NLRP11: variants seen among roughly 807,000 people sequenced by gnomAD.
The protein encoded by NLRP11 is NACHT, LRR and PYD domains-containing protein 11.
Under a neutral mutation model 79.3 loss-of-function variants are expected in NLRP11, and 53 were observed. That is an observed-to-expected ratio of 0.67 (90% CI 0.54 to 0.84). The LOEUF (loss-of-function observed/expected upper bound fraction) is 0.84, where lower values mean the gene tolerates loss of function less well. Ranked by LOEUF, NLRP11 falls within the 40% of genes least tolerant of loss-of-function variation. The pLI is 0.00. For synonymous variants in NLRP11, 518 were observed against 462.6 expected (o/e 1.12, Z -1.54); for missense variants, 1,264 against 1,255.0 (o/e 1.01, Z -0.11).
At chr19:55,831,122 C>T (rs1239654887) in intron 1 of NLRP11, among the ~76,000 whole-genome samples, 1 of 128,986 alleles carries the variant, frequency 7.8e-6, no homozygotes, top group Non-Finnish European at 1.7e-5. Flanking sequence ...CCCCCCACCC[C>T]CCCGCCCACA....
At chr19:55,803,861 C>T (rs1382868742) in intron 4 of NLRP11, among the ~76,000 whole-genome samples, 1 of 152,178 alleles carries the variant, frequency 6.6e-6, no homozygotes, top group Non-Finnish European at 1.5e-5. Flanking sequence ...GTGGGTGGAT[C>T]ACTTGAGGTC....
At chr19:55,797,967 C>G (rs1979091254) in intron 5 of NLRP11, among the ~76,000 whole-genome samples, 1 of 151,760 alleles carries the variant, frequency 6.6e-6, no homozygotes, top group Admixed American at 6.6e-5. Flanking sequence ...CAGGGCCACC[C>G]AGCGTGAAAT....
rs566112822 is a variant in NLRP11 at position 55,792,538 on chromosome 19, C to T, written c.2343-67G>A. 4.9e-5 allele frequency: 65 copies of T among 1,313,556 alleles called. 1 individual carries two copies. The East Asian group carries it at 6.7e-4, about 14-fold the overall frequency. The allele number at this position is 1,313,556 out of a possible 1,614,324, so 81.4% of individuals were successfully genotyped here. A position where few individuals can be genotyped will look rare whatever the true frequency, so the allele number is the denominator to read the frequency against. On this transcript the variant is annotated intron_variant, in intron 6 of 9. Coordinates refer to ENST00000589093, the Ensembl canonical transcript of NLRP11. ...AGAGAGGGGAGCACCTGAGACCACCCACCCCACGCCCACGGGCGCCTCGAT... is the reference window on the plus strand; with the variant it reads ...AGAGAGGGGAGCACCTGAGACCACCTACCCCACGCCCACGGGCGCCTCGAT...
intron 1 of NLRP11, among the ~76,000 whole-genome samples, chr19:55,824,388 G>A (rs1347940928): frequency 2.1e-5 from 3 of 145,702 alleles, no homozygotes; most frequent in Non-Finnish European, 3.0e-5. Flanking sequence ...ACATCATAAT[G>A]ACAGGATCAA....
At chr19:55,824,279 G>A (rs1031708458) in intron 1 of NLRP11, among the ~76,000 whole-genome samples, 11 of 148,910 alleles carry the variant, frequency 7.4e-5, no homozygotes, top group Non-Finnish European at 1.5e-4. Context: ...AACATGGAAA[G>A]GAACAACTGG....
chr19:55,800,757 G>A (rs996476930), intron 5 of NLRP11, among the ~76,000 whole-genome samples: 8 of 152,256 alleles, frequency 5.3e-5, no homozygotes, highest in East Asian at 1.9e-4. Context: ...GTGCCCGAGC[G>A]GCGATGTTCT....
rs991297852 is a variant in NLRP11 at position 55,801,289 on chromosome 19, T to C, written c.2171+283A>G. ...ATTTCCACTAGACAGTGTTTTAGGG[T>C]TTGACCAGTAGTCTACTTCAGAATG... is the stretch of plus-strand genomic sequence containing the variant. On this transcript the variant is annotated intron_variant, in intron 5 of 9. Coordinates refer to ENST00000589093, the Ensembl canonical transcript of NLRP11. The C allele has an allele frequency of 1.3e-4, 43 of 323,718 alleles. 1 individual carries two copies. The highest frequency in any genetic ancestry group is 8.7e-4 in the Middle Eastern group (1 of 1,144). 20.1% of individuals were successfully genotyped at this position (323,718 alleles called of 1,614,324 possible).
chr19:55,798,830 C>G (rs997415775), intron 5 of NLRP11, among the ~76,000 whole-genome samples: 2 of 152,024 alleles, frequency 1.3e-5, no homozygotes, highest in African/African-American at 2.4e-5. Flanking sequence ...TTCCATGTAG[C>G]AAGCAAAGGT....
At chr19:55,787,784 C>G (rs529725474) in intron 9 of NLRP11, among the ~76,000 whole-genome samples, 1 of 152,338 alleles carries the variant, frequency 6.6e-6, no homozygotes, top group Admixed American at 6.5e-5. Context: ...GAGAGCAAGT[C>G]TTTTCAGTGT....
At chr19:55,813,397 T>G (rs553042587) in intron 2 of NLRP11, among the ~76,000 whole-genome samples, 2 of 152,292 alleles carry the variant, frequency 1.3e-5, no homozygotes, top group East Asian at 3.9e-4. Flanking sequence ...GACTTGTAGT[T>G]TCTTTCCCCA....
chr19:55,822,908 A>C (rs1204502350), intron 1 of NLRP11, among the ~76,000 whole-genome samples: 2 of 152,264 alleles, frequency 1.3e-5, no homozygotes, highest in Non-Finnish European at 1.5e-5. Context: ...GGGGGAGCCC[A>C]CCACAGCTCA....
rs764386802 is a variant in NLRP11, at chr19:55,809,663, C to A, written c.947G>T (p.Arg316Leu). ...CTGGAGGGCTGCCGACGCCCTCTGG[C>A]GGTCTTTAAAGAAAGAGTTAAAATA... The change falls in exon 3 of 10, where the codon CGC (arginine) becomes CTC (leucine). Residue 316 changes from arginine to leucine, a missense_variant. Coordinates refer to ENST00000589093, the Ensembl canonical transcript of NLRP11. The surrounding 1 kb of genome is among the most constrained non-coding windows in gnomAD (Gnocchi z 4.5). The A allele has an allele frequency of 6.2e-7, 1 of 1,613,944 alleles. No homozygotes were observed. Among genetic ancestry groups the A allele is most frequent in the Non-Finnish European group, 8.5e-7 (1 of 1,179,934 alleles).
chr19:55,785,993 T>A (rs1197910517), intron 9 of NLRP11, 122 bp from the exon 10 acceptor site: 21 of 1,046,574 alleles, frequency 2.0e-5, no homozygotes, highest in Non-Finnish European at 2.9e-5. Flanking sequence ...TCAAGCCATC[T>A]CTGAGGAAAC....
chr19:55,831,009 G>T (rs536564141), intron 1 of NLRP11, among the ~76,000 whole-genome samples: 4 of 151,734 alleles, frequency 2.6e-5, no homozygotes, highest in Non-Finnish European at 5.9e-5. Context: ...CCAGGAACCA[G>T]TATATTGTTC....
intron 5 of NLRP11, among the ~76,000 whole-genome samples, chr19:55,797,014 G>A (rs1308252024): frequency 2.0e-5 from 3 of 149,614 alleles, no homozygotes; most frequent in Non-Finnish European, 2.9e-5. Flanking sequence ...TACTCATTCT[G>A]TACCATCCTC....
chr19:55,816,591 A>G (rs1379257144), intron 2 of NLRP11, among the ~76,000 whole-genome samples: 1 of 152,166 alleles, frequency 6.6e-6, no homozygotes, highest in Non-Finnish European at 1.5e-5. Context: ...GAGTGTACCC[A>G]AAATGTTAAC....
At chr19:55,812,775 G>C (rs1980730474) in intron 2 of NLRP11, among the ~76,000 whole-genome samples, 1 of 152,112 alleles carries the variant, frequency 6.6e-6, no homozygotes, top group South Asian at 2.1e-4. Context: ...TGTCAAGGAC[G>C]TTTTTATTTT....
At chr19:55,819,278 C>G (rs1406616574) in intron 1 of NLRP11, among the ~76,000 whole-genome samples, 2 of 152,034 alleles carry the variant, frequency 1.3e-5, no homozygotes. Flanking sequence ...TAGCCCCTGG[C>G]CAGGCTCCTG....
rs765085000 is a variant in NLRP11 at position 55,809,063 on chromosome 19, G to A, written c.1547C>T (p.Pro516Leu). 3.7e-6 allele frequency: 6 copies of A among 1,613,384 alleles called. No individual in the cohort carries two copies. The highest frequency in any genetic ancestry group is 1.7e-5 in the Admixed American group (1 of 60,008). ...GTACCACTTGAAGCTGTCTACCATC[G>A]GTAGCTGGTATCCAAAGGATGTCTC... Residue 516 changes from proline (P) to leucine (L), a missense_variant, in exon 3 of 10, where the codon CCG becomes CTG. Coordinates refer to ENST00000589093, the Ensembl canonical transcript of NLRP11. This position sits in a 1 kb window ranked among gnomAD's most constrained non-coding sequence, Gnocchi z 4.5.
Sources: allele counts gnomAD v4.1 joint callset (sites outside exome capture counted in the v4.1 genomes callset), GRCh38; gene constraint gnomAD v4.1.1; non-coding constraint Gnocchi (gnomAD v3.1); transcripts MANE v1.5; gene names NCBI Gene and HGNC (gene_info 2026-07-23, HGNC 2026-07-21).